Variants in BLOC1S1 observed in about 807,000 individuals in gnomAD.
BLOC1S1 encodes biogenesis of lysosome-related organelles complex 1 subunit 1.
BLOC1S1 carries 11 observed loss-of-function variants against 19.0 expected under a neutral mutation model. The observed-to-expected ratio is 0.58, with a 90% CI of 0.37 to 0.96. BLOC1S1 has a LOEUF of 0.96. Among genes scored for constraint, BLOC1S1 ranks in the 40% least tolerant of loss-of-function variants. The pLI is 0.01. For missense variants in BLOC1S1, 220 were observed against 195.9 expected, an observed-to-expected ratio of 1.12 and a Z score of -0.73; for synonymous variants, 94 against 76.4, an observed-to-expected ratio of 1.23 and a Z score of -1.20.
chr12:55,716,288 G>A, intron 1 of BLOC1S1, 92 bp downstream of exon 1: 1 of 1,518,508 alleles, frequency 6.6e-7, no homozygotes, highest in Non-Finnish European at 8.8e-7. Context: ...CATATCCAGG[G>A]AAAGACGCCA....
At position 55,716,920 on chromosome 12, in the gene BLOC1S1, C is replaced by T. The variant is rs751506319; in HGVS notation, c.146-13C>T. The T allele has an allele frequency of 5.1e-6, 8 of 1,579,912 alleles. No individual in the cohort carries two copies. In the East Asian group the frequency reaches 1.7e-4, roughly 33 times the overall value. The stretch of plus-strand genomic sequence containing the variant: ...CAAGTCTCCCCTCCAATTCCTTTTC[C>T]CCCTCTCCCCAGAAAAGAGGAGGCG... On this transcript the variant is annotated splice_polypyrimidine_tract_variant and intron_variant, in intron 1 of 3. Coordinates refer to ENST00000548925, the MANE Select transcript of BLOC1S1 (RefSeq NM_001487.4).
Position 55,719,220 on chromosome 12 carries a change from C to G in BLOC1S1, c.348C>G (p.Leu116=). The part of the protein sequence containing the change: ...IGMVENFNQA[L]KEIGDVENWA... ...TGGTGGAGAACTTCAACCAGGCACT[C>G]AAGGTGGGCCATACTCCCTACCTCA... Residue 116 remains leucine, a synonymous_variant, in exon 3 of 4, where the codon CTC becomes CTG. Coordinates refer to ENST00000548925, the MANE Select transcript of BLOC1S1 (RefSeq NM_001487.4). 6.2e-7 allele frequency: 1 copy of G among 1,614,018 alleles called. No individual in the cohort carries two copies. The highest frequency in any genetic ancestry group is 1.7e-5 in the Admixed American group (1 of 60,004).
At chr12:55,717,046 C>A in intron 2 of BLOC1S1, 41 bp downstream of exon 2, 1 of 1,528,704 alleles carries the variant, frequency 6.5e-7, no homozygotes, top group Non-Finnish European at 8.8e-7. Context: ...CCTTCCCCAC[C>A]CCGCCCAAGT....
In BLOC1S1 at chr12:55,716,245, T is replaced by C. The variant is rs374531809; in HGVS notation, c.145+49T>C. Reference sequence around the variant, plus strand: ...GTTTTCTCTTCGGCCGCGGCCTAGCTTCAGCCCGGAGCCTGGATCTCGAGT... The same window carrying C: ...GTTTTCTCTTCGGCCGCGGCCTAGCCTCAGCCCGGAGCCTGGATCTCGAGT... On this transcript the variant is annotated intron_variant, in intron 1 of 3. Coordinates refer to ENST00000548925, the MANE Select transcript of BLOC1S1 (RefSeq NM_001487.4). 5.9e-5 allele frequency: 92 copies of C among 1,563,546 alleles called. No individual in the cohort carries two copies. In the African/African-American group the frequency reaches 7.8e-4, roughly 13 times the overall value.
At chr12:55,717,702 G>C (rs1479777779) in intron 2 of BLOC1S1, among the ~76,000 whole-genome samples, 1 of 152,214 alleles carries the variant, frequency 6.6e-6, no homozygotes, top group Non-Finnish European at 1.5e-5. Flanking sequence ...TGTGAATCCA[G>C]AGACTGAGTC....
intron 3 of BLOC1S1, 125 bp from the exon 4 acceptor site, chr12:55,719,374 G>C: frequency 1.4e-6 from 2 of 1,479,588 alleles, no homozygotes; most frequent in South Asian, 1.2e-5. Flanking sequence ...GAGAAAGAAA[G>C]AAAAGCAGTT....
In BLOC1S1 at chr12:55,718,916, AG is replaced by A. The variant is rs201597469; in HGVS notation, c.219-173del. 7.6e-3 allele frequency among the ~76,000 whole-genome samples: 1,160 copies of A among 152,150 alleles called. 16 individuals carry two copies. The highest frequency in any genetic ancestry group is 0.027 in the African/African-American group (1,108 of 41,498). ...CTCTCCTGGGAATCCTGGGAGTGAA[AG>A]GAAGGAGCTGGGTTTATTTGCATGT... is the stretch of plus-strand genomic sequence containing the variant. On this transcript the variant is annotated intron_variant, in intron 2 of 3. Transcript: ENST00000548925.
intron 2 of BLOC1S1, among the ~76,000 whole-genome samples, chr12:55,717,931 G>A (rs1876699882): frequency 6.6e-6 from 1 of 152,170 alleles, no homozygotes; most frequent in Admixed American, 6.5e-5. Context: ...CCTTGACAGT[G>A]ACCCAGCTGT....
chr12:55,719,128 CATGA>C lies in BLOC1S1; in HGVS notation c.257_260del (p.His86ArgfsTer2), dbSNP rs1565653099. 1 of 1,613,964 alleles carries C rather than the reference CATGA, an allele frequency of 6.2e-7. No homozygotes were observed. Among genetic ancestry groups the C allele is most frequent in the African/African-American group, 1.3e-5 (1 of 74,964 alleles). On this transcript the variant is annotated frameshift_variant, in exon 3 of 4. Coordinates refer to ENST00000548925, the MANE Select transcript of BLOC1S1 (RefSeq NM_001487.4). LOFTEE classifies it high-confidence loss of function. Reference sequence around the variant, plus strand: ...CTACATGAACCAGAGAAAGCTGGACCATGAGGTGAAGACCCTACAGGTCCAGGCT... The same window carrying C: ...CTACATGAACCAGAGAAAGCTGGACCGGTGAAGACCCTACAGGTCCAGGCT...
Position 55,716,078 on chromosome 12 carries a change from T to G in BLOC1S1, c.27T>G (p.Arg9=). 1 of 1,575,440 alleles carries G rather than the reference T, an allele frequency of 6.3e-7. No homozygotes were observed. Among genetic ancestry groups the G allele is most frequent in the Non-Finnish European group, 8.6e-7 (1 of 1,161,258 alleles). The change falls in exon 1 of 4, where the codon CGT becomes CGG. Residue 9 remains arginine (R), a synonymous_variant. Transcript: ENST00000548925. ...TGGCCCCGGGGAGCCGAGGTGAGCG[T>G]TCCAGCTTCCGGAGCCGGAGGGGGC... MAPGSRGE[R]SSFRSRRGPG...
In BLOC1S1 at chr12:55,716,216, G is replaced by T; in HGVS notation, c.145+20G>T. 1 of 1,594,960 alleles carries T rather than the reference G, an allele frequency of 6.3e-7. No homozygotes were observed. The highest frequency in any genetic ancestry group is 8.5e-7 in the Non-Finnish European group (1 of 1,171,254). On this transcript the variant is annotated intron_variant, in intron 1 of 3. Coordinates refer to ENST00000548925, the MANE Select transcript of BLOC1S1 (RefSeq NM_001487.4). ...TGCAGGGTGAGCCAAATATCCTGTC[G>T]GCCGTTTTCTCTTCGGCCGCGGCCT...
At chr12:55,719,435 A>C in intron 3 of BLOC1S1, 64 bp from the exon 4 acceptor site, 1 of 1,510,970 alleles carries the variant, frequency 6.6e-7, no homozygotes, top group Non-Finnish European at 9.2e-7. Context: ...CGTATTCCCC[A>C]GACTGGAAGC....
At chr12:55,716,495 C>G (rs903581121) in intron 1 of BLOC1S1, 1 of 1,275,758 alleles carries the variant, frequency 7.8e-7, no homozygotes, top group African/African-American at 1.6e-5. Context: ...AGCCTCTCGT[C>G]CTGGCGGCGG....
Position 55,719,151 on chromosome 12 carries a change from C to G in BLOC1S1, c.279C>G (p.Val93=), listed in dbSNP as rs770460156. 2.4e-5 allele frequency: 39 copies of G among 1,613,734 alleles called. No homozygotes were observed. Among genetic ancestry groups the G allele is most frequent in the Non-Finnish European group, 3.2e-5 (38 of 1,180,016 alleles). The change falls in exon 3 of 4, where the codon GTC becomes GTG. Residue 93 remains valine, a synonymous_variant. Transcript: ENST00000548925. The part of the protein sequence containing the change: ...KLDHEVKTLQ[V]QAAQFAKQTG... Reference sequence around the variant, plus strand: ...ACCATGAGGTGAAGACCCTACAGGTCCAGGCTGCCCAATTTGCCAAGCAGA... The same window carrying G: ...ACCATGAGGTGAAGACCCTACAGGTGCAGGCTGCCCAATTTGCCAAGCAGA...
chr12:55,717,869 A>G (rs1330331961), intron 2 of BLOC1S1, among the ~76,000 whole-genome samples: 2 of 152,130 alleles, frequency 1.3e-5, no homozygotes, highest in African/African-American at 4.8e-5. Context: ...TCAATGGGGA[A>G]AACCAGAAGT....
intron 2 of BLOC1S1, among the ~76,000 whole-genome samples, chr12:55,717,659 A>G (rs1393161176): frequency 6.6e-6 from 1 of 152,166 alleles, no homozygotes; most frequent in African/African-American, 2.4e-5. Context: ...GCAGTATGGT[A>G]CCTTCCACCC....
chr12:55,716,597 C>T, intron 1 of BLOC1S1: 1 of 1,218,174 alleles, frequency 8.2e-7, no homozygotes, highest in Non-Finnish European at 1.0e-6. Context: ...AGGTGGGGCA[C>T]TTGTTTCCTG....
chr12:55,716,905 C>T, intron 1 of BLOC1S1, 28 bp from the exon 2 acceptor site: 1 of 1,576,174 alleles, frequency 6.3e-7, no homozygotes, highest in Non-Finnish European at 8.6e-7. Flanking sequence ...CAAGTCTCCC[C>T]TCCAATTCCT....
Position 55,719,073 on chromosome 12 carries a change from C to T in BLOC1S1, c.219-18C>T. On this transcript the variant is annotated intron_variant, in intron 2 of 3. Coordinates refer to ENST00000548925, the MANE Select transcript of BLOC1S1 (RefSeq NM_001487.4). ...CCAACTAGCTGGAGCTGATCTCCTC[C>T]CTCCTCCAACCCCCCAGTGTGGCCC... The T allele has an allele frequency of 6.2e-7, 1 of 1,612,266 alleles. No individual in the cohort carries two copies. Among genetic ancestry groups the T allele is most frequent in the South Asian group, 1.1e-5 (1 of 91,026 alleles).
Sources: allele counts gnomAD v4.1 joint callset (sites outside exome capture counted in the v4.1 genomes callset), GRCh38; gene constraint gnomAD v4.1.1; transcripts MANE v1.5; gene names NCBI Gene and HGNC (gene_info 2026-07-23, HGNC 2026-07-21).